POLN: variants seen among roughly 807,000 people sequenced by gnomAD.
The protein encoded by POLN is DNA polymerase nu.
In POLN, 108 loss-of-function variants were observed where a neutral mutation model predicts 113.5. The observed-to-expected ratio is 0.95, with a 90% CI of 0.81 to 1.12. The LOEUF is 1.12. Among genes scored for constraint, POLN ranks in the 50% most tolerant of loss-of-function variants. The pLI, the probability that POLN is intolerant of heterozygous loss-of-function variation, is 0.00. For missense variants in POLN, 1,097 were observed against 1,077.1 expected (o/e 1.02, Z -0.26); for synonymous variants, 386 against 391.5 (o/e 0.99, Z 0.17).
intron 2 of POLN, chr4:2,230,866 G>A (rs1734556127): frequency 6.6e-6 from 1 of 152,086 alleles, no homozygotes; most frequent in Non-Finnish European, 1.5e-5. Flanking sequence ...TTAGAGCAAC[G>A]CTTAAAATAT....
chr4:2,242,075 G>A lies in POLN; in HGVS notation c.-308C>T, dbSNP rs886239719. 54 of 985,644 alleles carry A rather than the reference G, an allele frequency of 5.5e-5. No individual in the cohort carries two copies. The highest frequency in any genetic ancestry group is 1.9e-5 in the Non-Finnish European group (16 of 830,172). The allele number at this position is 985,644 out of a possible 1,614,324, so 61.1% of individuals were successfully genotyped here. On this transcript the variant is annotated 5_prime_UTR_variant, in exon 1 of 26. Transcript: ENST00000511885. ...CCTCAGGAAGTTCCGCTTGCTTCTC[G>A]CAGGAGCCCGCCGCCACCGCCCTCC...
At chr4:2,135,883 C>T (rs1486218476) in intron 16 of POLN, among the ~76,000 whole-genome samples, 3 of 152,196 alleles carry the variant, frequency 2.0e-5, no homozygotes, top group Non-Finnish European at 4.4e-5. Flanking sequence ...AATAGAGAAG[C>T]GATCACTACC....
chr4:2,177,619 TG>T (rs1402965780), intron 8 of POLN, among the ~76,000 whole-genome samples: 1 of 152,242 alleles, frequency 6.6e-6, no homozygotes, highest in Non-Finnish European at 1.5e-5. Context: ...AATTTGACCC[TG>T]GGCAAGGCAC....
chr4:2,081,275 T>C (rs970568770), intron 22 of POLN: 5 of 1,212,220 alleles, frequency 4.1e-6, no homozygotes, highest in East Asian at 2.6e-5. Context: ...GCCTCACCCC[T>C]GCCAGGCATG....
intron 16 of POLN, among the ~76,000 whole-genome samples, chr4:2,133,987 G>A (rs1050436239): frequency 2.6e-5 from 4 of 152,066 alleles, no homozygotes; most frequent in Non-Finnish European, 4.4e-5. Context: ...AACGATCCCC[G>A]GAGCTTTACT....
intron 7 of POLN, among the ~76,000 whole-genome samples, chr4:2,188,612 A>C (rs1487967329): frequency 1.1e-5 from 1 of 91,486 alleles, no homozygotes; most frequent in African/African-American, 1.0e-4. Flanking sequence ...AAAAAAACAA[A>C]AAACAAAAAA....
intron 13 of POLN, among the ~76,000 whole-genome samples, chr4:2,168,603 C>G (rs1387228802): frequency 6.6e-6 from 1 of 152,186 alleles, no homozygotes; most frequent in African/African-American, 2.4e-5. Context: ...TGTTGGTTGT[C>G]TGGAGAGGGA....
chr4:2,221,756 G>A (rs1734258577), intron 3 of POLN, among the ~76,000 whole-genome samples: 1 of 152,038 alleles, frequency 6.6e-6, no homozygotes, highest in Non-Finnish European at 1.5e-5. Context: ...TCGATTTTTA[G>A]TAGAGACAGG....
intron 7 of POLN, among the ~76,000 whole-genome samples, chr4:2,183,138 A>G (rs2108752564): frequency 6.6e-6 from 1 of 152,362 alleles, no homozygotes; most frequent in South Asian, 2.1e-4. Flanking sequence ...GATGACTAAA[A>G]TAAAGATACA....
chr4:2,185,261 T>A (rs2108753462), intron 7 of POLN, among the ~76,000 whole-genome samples: 1 of 152,352 alleles, frequency 6.6e-6, no homozygotes, highest in Middle Eastern at 3.4e-3. Flanking sequence ...GGCATCTGGA[T>A]CTAATTGCCA....
At chr4:2,176,677 T>C (rs903618691) in intron 8 of POLN, among the ~76,000 whole-genome samples, 1 of 152,020 alleles carries the variant, frequency 6.6e-6, no homozygotes, top group Non-Finnish European at 1.5e-5. Flanking sequence ...AATGCAGACC[T>C]GGCCTCTCTG....
At chr4:2,080,237 G>T in intron 23 of POLN, 1 of 988,032 alleles carries the variant, frequency 1.0e-6, no homozygotes, top group Non-Finnish European at 1.2e-6. Flanking sequence ...GGCTGGCAAG[G>T]AGGAGGTGGC....
chr4:2,217,975 T>C (rs1734151930), intron 3 of POLN, among the ~76,000 whole-genome samples: 1 of 152,222 alleles, frequency 6.6e-6, no homozygotes, highest in African/African-American at 2.4e-5. Context: ...CCAGTTAACA[T>C]CTTCATTCTT....
intron 16 of POLN, among the ~76,000 whole-genome samples, chr4:2,142,392 C>T (rs1462924858): frequency 6.6e-6 from 1 of 152,252 alleles, no homozygotes; most frequent in African/African-American, 2.4e-5. Context: ...AAAACTACCC[C>T]TGTGCTATCA....
intron 19 of POLN, among the ~76,000 whole-genome samples, chr4:2,096,764 C>T (rs1730807204): frequency 6.7e-6 from 1 of 150,344 alleles, no homozygotes; most frequent in Non-Finnish European, 1.5e-5. Flanking sequence ...GTAACAGAAA[C>T]TTCTCCCAAT....
intron 13 of POLN, among the ~76,000 whole-genome samples, chr4:2,165,325 G>GA (rs1732703217): frequency 6.6e-6 from 1 of 152,136 alleles, no homozygotes; most frequent in Non-Finnish European, 1.5e-5. Flanking sequence ...AAGTCAATCC[G>GA]AAAAGGCTAC....
At chr4:2,231,997 T>C (rs1734596844) in intron 2 of POLN, 1 of 1,496,102 alleles carries the variant, frequency 6.7e-7, no homozygotes, top group East Asian at 2.3e-5. Context: ...TTTCAGATAA[T>C]CTTCATCTTT....
At chr4:2,176,995 G>A (rs1017523580) in intron 8 of POLN, among the ~76,000 whole-genome samples, 1 of 152,210 alleles carries the variant, frequency 6.6e-6, no homozygotes, top group Non-Finnish European at 1.5e-5. Flanking sequence ...TGAGATTAGA[G>A]TGAACATCCC....
intron 23 of POLN, 106 bp downstream of exon 23, chr4:2,080,852 C>T (rs1157984059): frequency 5.7e-6 from 9 of 1,589,926 alleles, no homozygotes; most frequent in South Asian, 1.1e-5. Context: ...GGGACGGGGG[C>T]CCGATAAGCA....
Sources: gnomAD v4.1 joint callset for allele counts (sites outside exome capture counted in the v4.1 genomes callset) on GRCh38, gnomAD v4.1.1 for gene constraint, MANE v1.5 for transcripts, NCBI Gene and HGNC (gene_info 2026-07-23, HGNC 2026-07-21) for gene names.